BICD1: variants seen among roughly 807,000 people sequenced by gnomAD.
The protein encoded by BICD1 is BICD cargo adaptor 1, also known as protein bicaudal D homolog 1.
BICD1 carries 35 observed loss-of-function variants against 92.5 expected under a neutral mutation model. That is an observed-to-expected ratio of 0.38 (90% CI 0.29 to 0.50). BICD1 has a LOEUF of 0.50. BICD1 is among the 20% of genes least tolerant of loss of function. The pLI is 0.93. For synonymous variants in BICD1, 429 were observed against 465.1 expected, an observed-to-expected ratio of 0.92 and a Z score of 1.00; for missense variants, 950 against 1,189.8, an observed-to-expected ratio of 0.80 and a Z score of 2.97.
At chr12:32,369,943 T>C (rs1483793339) in intron 9 of BICD1, among the ~76,000 whole-genome samples, 1 of 152,166 alleles carries the variant, frequency 6.6e-6, no homozygotes, top group Non-Finnish European at 1.5e-5. Context: ...AAATACATTA[T>C]AAAATAGGTT....
Position 32,337,845 on chromosome 12 carries a change from G to C in BICD1, c.2570+29G>C, listed in dbSNP as rs900847923. 1 of 1,598,460 alleles carries C rather than the reference G, an allele frequency of 6.3e-7. No homozygotes were observed. Among genetic ancestry groups the C allele is most frequent in the Non-Finnish European group, 8.6e-7 (1 of 1,166,716 alleles). On this transcript the variant is annotated intron_variant, in intron 7 of 9. Coordinates refer to ENST00000652176, the MANE Select transcript of BICD1 (RefSeq NM_001714.4). The surrounding 1 kb of genome is among the most constrained non-coding windows in gnomAD (Gnocchi z 4.7). Reference sequence around the variant, plus strand: ...TGCATGCAGCGATCTTCATAGTACGGTGCAGTGGCCAGATTTTAGTTAACT... The same window carrying C: ...TGCATGCAGCGATCTTCATAGTACGCTGCAGTGGCCAGATTTTAGTTAACT...
intron 3 of BICD1, among the ~76,000 whole-genome samples, chr12:32,302,879 C>CCTT (rs747478230): frequency 4.4e-5 from 2 of 45,686 alleles, no homozygotes; most frequent in Non-Finnish European, 1.3e-4. Flanking sequence ...TTCCAATGAC[C>CCTT]ATTTTTTTTT....
intron 1 of BICD1, among the ~76,000 whole-genome samples, chr12:32,177,413 A>G (rs1478864069): frequency 6.7e-6 from 1 of 149,286 alleles, no homozygotes; most frequent in Non-Finnish European, 1.5e-5. Flanking sequence ...TTAGATCTTT[A>G]TCTGTTGATC....
chr12:32,142,428 AAAAC>A (rs1357440855), intron 1 of BICD1, among the ~76,000 whole-genome samples: 6,810 of 30,260 alleles, frequency 0.23, 511 homozygotes, highest in African/African-American at 0.32. Context: ...AAAAAAAAAA[AAAAC>A]AAAAAACCCC....
At chr12:32,275,872 A>T (rs992796321) in intron 2 of BICD1, among the ~76,000 whole-genome samples, 2 of 152,086 alleles carry the variant, frequency 1.3e-5, no homozygotes, top group African/African-American at 4.8e-5. Context: ...GTTCTCTTCC[A>T]TGACCCACAG....
intron 2 of BICD1, among the ~76,000 whole-genome samples, chr12:32,287,610 C>T (rs11051908): frequency 0.024 from 3,665 of 150,126 alleles, 147 homozygotes; most frequent in African/African-American, 0.083. Flanking sequence ...GATCTTGGCT[C>T]ACTGCAAGCT....
intron 2 of BICD1, among the ~76,000 whole-genome samples, chr12:32,229,479 C>G (rs1945805093): frequency 6.6e-6 from 1 of 152,022 alleles, no homozygotes. Flanking sequence ...TTCTGAGAGC[C>G]AAATAAGAAA....
At chr12:32,330,187 C>T (rs11051940) in intron 5 of BICD1, among the ~76,000 whole-genome samples, 33,604 of 152,018 alleles carry the variant, frequency 0.22, 4,235 homozygotes, top group East Asian at 0.6. Flanking sequence ...TACCATAAGC[C>T]ATAATATTGT....
chr12:32,241,133 T>G (rs1433401546), intron 2 of BICD1, among the ~76,000 whole-genome samples: 1 of 152,202 alleles, frequency 6.6e-6, no homozygotes, highest in African/African-American at 2.4e-5. Context: ...GATGTGTACG[T>G]GCAGAAAGTC....
rs1948206630 is a variant in BICD1, at chr12:32,306,057, G to A, written c.940G>A (p.Val314Ile). 1 of 1,613,758 alleles carries A rather than the reference G, an allele frequency of 6.2e-7. No homozygotes were observed. The highest frequency in any genetic ancestry group is 1.3e-5 in the African/African-American group (1 of 74,896). Residue 314 changes from valine to isoleucine, a missense_variant, in exon 4 of 10, where the codon GTC becomes ATC. Val to Ile is a conservative substitution (Grantham distance 29). Coordinates refer to ENST00000652176, the MANE Select transcript of BICD1 (RefSeq NM_001714.4). Reference sequence around the variant, plus strand: ...AAGGAAAGGAGAGTCTCTGAACCCTGTCTCTGACTTATTCAGTGAGCTGAA... The same window carrying A: ...AAGGAAAGGAGAGTCTCTGAACCCTATCTCTGACTTATTCAGTGAGCTGAA... ...TLRKGESLNPVSDLFSELNIS... is the reference protein window; with the variant it reads ...TLRKGESLNPISDLFSELNIS...
At chr12:32,138,238 C>A (rs947382016) in intron 1 of BICD1, among the ~76,000 whole-genome samples, 3 of 152,184 alleles carry the variant, frequency 2.0e-5, no homozygotes, top group Non-Finnish European at 4.4e-5. Flanking sequence ...TTTCCACTTA[C>A]ATAGATGAGA....
At chr12:32,160,474 T>C (rs1051765941) in intron 1 of BICD1, among the ~76,000 whole-genome samples, 10 of 152,196 alleles carry the variant, frequency 6.6e-5, no homozygotes, top group South Asian at 2.1e-4. Context: ...GCAATGTTCA[T>C]TTATCTTGAA....
At chr12:32,140,494 T>A (rs1942878870) in intron 1 of BICD1, among the ~76,000 whole-genome samples, 1 of 152,192 alleles carries the variant, frequency 6.6e-6, no homozygotes, top group South Asian at 2.1e-4. Flanking sequence ...GTTTTGTTTG[T>A]TTTTTGATAC....
intron 8 of BICD1, chr12:32,340,441 G>C (rs117456971): frequency 1.0e-6 from 1 of 985,218 alleles, no homozygotes; most frequent in Non-Finnish European, 1.2e-6. Flanking sequence ...ACCTAACTCG[G>C]ATAAAACCCA....
chr12:32,166,593 T>C (rs1943779433), intron 1 of BICD1, among the ~76,000 whole-genome samples: 2 of 152,122 alleles, frequency 1.3e-5, no homozygotes, highest in African/African-American at 4.8e-5. Context: ...CTGAGAAAGC[T>C]TGAGTTAAAG....
chr12:32,240,197 T>G (rs1946196399), intron 2 of BICD1, among the ~76,000 whole-genome samples: 1 of 152,172 alleles, frequency 6.6e-6, no homozygotes, highest in South Asian at 2.1e-4. Context: ...CAAGGACCAA[T>G]TTTCACCCCT....
intron 1 of BICD1, among the ~76,000 whole-genome samples, chr12:32,129,439 T>TG (rs1173632608): frequency 1.3e-5 from 2 of 148,708 alleles, no homozygotes; most frequent in African/African-American, 5.0e-5. Flanking sequence ...GCAGGACAAT[T>TG]GCTTGAACCC....
At chr12:32,339,846 A>G (rs969520330) in intron 8 of BICD1, 3 of 971,390 alleles carry the variant, frequency 3.1e-6, no homozygotes, top group Non-Finnish European at 3.7e-6. Context: ...AATTCAAGAG[A>G]TTTTATATGA....
At chr12:32,348,987 C>T (rs1186515344) in intron 8 of BICD1, among the ~76,000 whole-genome samples, 1 of 151,988 alleles carries the variant, frequency 6.6e-6, no homozygotes, top group Non-Finnish European at 1.5e-5. Context: ...GCCCGTATTC[C>T]ACCAACCAGC....
Sources: gnomAD v4.1 joint callset for allele counts (sites outside exome capture counted in the v4.1 genomes callset) on GRCh38, gnomAD v4.1.1 for gene constraint, Gnocchi (gnomAD v3.1) non-coding constraint, MANE v1.5 for transcripts, NCBI Gene and HGNC (gene_info 2026-07-23, HGNC 2026-07-21) for gene names.